Variants in PLPP4 observed in about 807,000 individuals in gnomAD.
PLPP4 encodes the protein phospholipid phosphatase 4.
A neutral mutation model predicts 32.2 loss-of-function variants in PLPP4; 20 were observed. The observed-to-expected ratio is 0.62, with a 90% CI of 0.44 to 0.90. The LOEUF is 0.90. Ranked by LOEUF, PLPP4 falls within the 40% of genes least tolerant of loss-of-function variation. PLPP4 has a pLI of 0.00. For synonymous variants in PLPP4, 127 were observed against 133.0 expected (o/e 0.95, Z 0.31); for missense variants, 257 against 353.1 (o/e 0.73, Z 2.18).
intron 5 of PLPP4, among the ~76,000 whole-genome samples, chr10:120,538,779 G>A (rs905454188): frequency 1.3e-5 from 2 of 152,108 alleles, no homozygotes; most frequent in African/African-American, 2.4e-5. Flanking sequence ...TGTGTTAAGG[G>A]CCTTAAAGCC....
At chr10:120,503,736 T>G in intron 1 of PLPP4, 82 bp from the exon 2 acceptor site, 4 of 1,585,488 alleles carry the variant, frequency 2.5e-6, no homozygotes, top group South Asian at 1.1e-5. Flanking sequence ...ACCCTGAGGG[T>G]GCATAGAAGG....
At chr10:120,495,631 T>C (rs1456388523) in intron 1 of PLPP4, among the ~76,000 whole-genome samples, 1 of 152,136 alleles carries the variant, frequency 6.6e-6, no homozygotes, top group Admixed American at 6.6e-5. Flanking sequence ...CTTCAAGTGT[T>C]ACTATTTTTT....
chr10:120,517,074 C>T (rs1845961949), intron 3 of PLPP4, among the ~76,000 whole-genome samples: 1 of 152,248 alleles, frequency 6.6e-6, no homozygotes, highest in Admixed American at 6.5e-5. Flanking sequence ...CTCTGTGCTG[C>T]GATAAGCCCA....
intron 2 of PLPP4, 34 bp downstream of exon 2, chr10:120,503,960 C>A: frequency 7.1e-7 from 1 of 1,410,376 alleles, no homozygotes. Context: ...TATTTGACTG[C>A]TCTCTCAAAG....
At chr10:120,488,571 A>C (rs992855577) in intron 1 of PLPP4, among the ~76,000 whole-genome samples, 1 of 152,244 alleles carries the variant, frequency 6.6e-6, no homozygotes, top group African/African-American at 2.4e-5. Flanking sequence ...AAGTAGCAAC[A>C]TTGAAGGGCA....
At chr10:120,525,780 G>C (rs1296828683) in intron 5 of PLPP4, among the ~76,000 whole-genome samples, 1 of 152,204 alleles carries the variant, frequency 6.6e-6, no homozygotes, top group Non-Finnish European at 1.5e-5. Context: ...TTCACACTGT[G>C]CTTGAGAAGT....
chr10:120,523,514 A>T (rs1482719583), intron 5 of PLPP4, among the ~76,000 whole-genome samples: 1 of 152,052 alleles, frequency 6.6e-6, no homozygotes, highest in East Asian at 1.9e-4. Context: ...GTTTCCAGGG[A>T]GTCCCATGCT....
Position 120,513,261 on chromosome 10 carries a change from A to T in PLPP4, c.166-650A>T, listed in dbSNP as rs549918410. Among the ~76,000 whole-genome samples, 17 of 152,244 alleles carry T rather than the reference A, an allele frequency of 1.1e-4. No homozygotes were observed. The South Asian group carries it at 2.1e-3, about 19-fold the overall frequency. ...GTCACAGAGTTATCATGAGGATGTA[A>T]GAGGCTCCTGGACTTGATGGTACCA... On this transcript the variant is annotated intron_variant, in intron 2 of 6. Coordinates refer to ENST00000398250, the MANE Select transcript of PLPP4 (RefSeq NM_001030059.3).
At chr10:120,546,938 C>T (rs1005126341) in intron 5 of PLPP4, among the ~76,000 whole-genome samples, 2 of 152,140 alleles carry the variant, frequency 1.3e-5, no homozygotes, top group Admixed American at 6.5e-5. Flanking sequence ...GTTTTCAGCA[C>T]TGGATAATTT....
intron 2 of PLPP4, among the ~76,000 whole-genome samples, chr10:120,510,571 C>A (rs1429583686): frequency 6.6e-6 from 1 of 152,182 alleles, no homozygotes; most frequent in Admixed American, 6.5e-5. Flanking sequence ...TACCAATGGC[C>A]TTTGTCGAAA....
chr10:120,583,375 C>T (rs547340284), intron 6 of PLPP4, among the ~76,000 whole-genome samples: 19 of 152,180 alleles, frequency 1.2e-4, no homozygotes, highest in South Asian at 2.1e-4. Context: ...GATTGAAAGT[C>T]ACTCTTTCCA....
At chr10:120,484,694 G>A (rs763041027) in intron 1 of PLPP4, among the ~76,000 whole-genome samples, 4 of 152,162 alleles carry the variant, frequency 2.6e-5, no homozygotes. Context: ...ACCAACACAT[G>A]AACTTTGGGG....
At chr10:120,581,742 G>A (rs1849525097) in intron 6 of PLPP4, among the ~76,000 whole-genome samples, 2 of 151,862 alleles carry the variant, frequency 1.3e-5, no homozygotes, top group South Asian at 2.1e-4. Flanking sequence ...GGGCTCAAGT[G>A]TCACCTTCTC....
intron 5 of PLPP4, among the ~76,000 whole-genome samples, chr10:120,555,553 T>A (rs898463980): frequency 6.6e-6 from 1 of 152,180 alleles, no homozygotes; most frequent in African/African-American, 2.4e-5. Context: ...CCAAAATAGC[T>A]CTCTGCTGCT....
At chr10:120,552,629 A>C (rs1388877725) in intron 5 of PLPP4, among the ~76,000 whole-genome samples, 1 of 152,140 alleles carries the variant, frequency 6.6e-6, no homozygotes, top group Non-Finnish European at 1.5e-5. Context: ...GGTGGGTGAG[A>C]AGCACCATTT....
At chr10:120,515,716 C>T (rs913604227) in intron 3 of PLPP4, among the ~76,000 whole-genome samples, 20 of 152,216 alleles carry the variant, frequency 1.3e-4, no homozygotes, top group African/African-American at 4.3e-4. Context: ...GCTTGAGTGG[C>T]CGGGCAGTGT....
intron 5 of PLPP4, among the ~76,000 whole-genome samples, chr10:120,551,621 C>A (rs554543566): frequency 7.8e-4 from 118 of 152,256 alleles, no homozygotes; most frequent in Admixed American, 2.3e-3. Context: ...TGTTTATATG[C>A]AGTCCAAGCA....
rs1057374140 is a variant in PLPP4 at position 120,591,532 on chromosome 10, ATACTC to A, written c.*2033_*2037del. ...TCATTTAAAATTAGAAAATTAAACAATACTCTAATTTAACTAAAAACTCTATAATT... is the reference window on the plus strand; with the variant it reads ...TCATTTAAAATTAGAAAATTAAACAATAATTTAACTAAAAACTCTATAATT... On this transcript the variant is annotated 3_prime_UTR_variant, in exon 7 of 7. Transcript: ENST00000398250. Among the ~76,000 whole-genome samples the A allele has an allele frequency of 3.0e-4, 45 of 152,266 alleles. No homozygotes were observed. Among genetic ancestry groups the A allele is most frequent in the African/African-American group, 1.1e-3 (44 of 41,546 alleles).
At chr10:120,512,855 C>T (rs528067639) in intron 2 of PLPP4, among the ~76,000 whole-genome samples, 23 of 152,168 alleles carry the variant, frequency 1.5e-4, no homozygotes, top group African/African-American at 5.5e-4. Flanking sequence ...ATATTCCAGC[C>T]ATGCCTTAGT....
Sources: allele counts gnomAD v4.1 joint callset (sites outside exome capture counted in the v4.1 genomes callset), GRCh38; gene constraint gnomAD v4.1.1; transcripts MANE v1.5; gene names NCBI Gene and HGNC (gene_info 2026-07-23, HGNC 2026-07-21).